The following ARHGEF9 variants were observed in gnomAD, a reference collection of about 807,000 sequenced individuals.
ARHGEF9 encodes rho guanine nucleotide exchange factor 9.
In ARHGEF9, 2 loss-of-function variants were observed where a neutral mutation model predicts 41.3. That is an observed-to-expected ratio of 0.05 (90% CI 0.02 to 0.15). ARHGEF9 has a LOEUF of 0.15. Among genes scored for constraint, ARHGEF9 ranks in the 10% least tolerant of loss-of-function variants. The probability of loss-of-function intolerance (pLI) is 1.00; values close to 1 mark genes in which losing one functional copy is unlikely to be tolerated. For synonymous variants in ARHGEF9, 160 were observed against 154.4 expected (o/e 1.04, Z -0.27); for missense variants, 225 against 424.7 (o/e 0.53, Z 4.13).
chrX:63,664,896 G>T (rs2049428836), intron 7 of ARHGEF9, among the ~76,000 whole-genome samples: 1 of 111,645 alleles, frequency 9.0e-6, no homozygotes. Context: ...AAACTGTGTG[G>T]TTCATGTTCC....
rs868976464 is a variant in ARHGEF9, at chrX:63,758,012, G to A, written c.30+27104C>T. 2.0e-3 allele frequency among the ~76,000 whole-genome samples: 225 copies of A among 112,061 alleles called. 2 individuals carry two copies. Among genetic ancestry groups the A allele is most frequent in the Middle Eastern group, 4.6e-3 (1 of 217 alleles). ...TTGGTGAGCCAGAAGTCATGTCTCT[G>A]TTGCTTCTGTTGGAAAGCACAATGG... is the stretch of plus-strand genomic sequence containing the variant. On this transcript the variant is annotated intron_variant, in intron 1 of 9. Coordinates refer to ENST00000671741, the MANE Select transcript of ARHGEF9 (RefSeq NM_001353921.2).
At chrX:63,682,329 A>G (rs1425502947) in intron 4 of ARHGEF9, among the ~76,000 whole-genome samples, 2 of 109,875 alleles carry the variant, frequency 1.8e-5, no homozygotes, top group African/African-American at 6.6e-5. Flanking sequence ...CCTGGCTAAC[A>G]TGGTGAAACC....
intron 5 of ARHGEF9, 111 bp downstream of exon 5, chrX:63,678,229 T>G (rs782602414): frequency 2.0e-5 from 13 of 644,292 alleles, no homozygotes; most frequent in Non-Finnish European, 3.3e-5. Flanking sequence ...CATCCTGTTT[T>G]GCAGATAAGT....
At position 63,721,786 on chromosome X, in the gene ARHGEF9, C is replaced by A. The variant is rs781801124; in HGVS notation, c.210+2746G>T. 1.2e-4 allele frequency among the ~76,000 whole-genome samples: 13 copies of A among 110,646 alleles called. No homozygotes were observed. The East Asian group carries it at 3.7e-3, about 31-fold the overall frequency. On this transcript the variant is annotated intron_variant, in intron 2 of 9. Coordinates refer to ENST00000671741, the MANE Select transcript of ARHGEF9 (RefSeq NM_001353921.2). Reference sequence around the variant, plus strand: ...GGACTGATGTTCAGCAAGTTTAATTCATTTAACCTTACCAACTACTGGGAA... The same window carrying A: ...GGACTGATGTTCAGCAAGTTTAATTAATTTAACCTTACCAACTACTGGGAA...
chrX:63,640,789 T>C (rs1246313537), intron 9 of ARHGEF9: 8 of 111,422 alleles, frequency 7.2e-5, no homozygotes, highest in Non-Finnish European at 1.3e-4. Context: ...GACATCCGCA[T>C]TGGAGACCTC....
chrX:63,682,243 T>G (rs1422756690), intron 4 of ARHGEF9, among the ~76,000 whole-genome samples: 1 of 111,330 alleles, frequency 9.0e-6, no homozygotes, highest in Non-Finnish European at 1.9e-5. Context: ...GGCCAGGCGC[T>G]GTGGCTCACG....
intron 4 of ARHGEF9, among the ~76,000 whole-genome samples, chrX:63,691,141 T>C (rs1291269899): frequency 4.5e-5 from 5 of 111,790 alleles, no homozygotes; most frequent in African/African-American, 1.6e-4. Context: ...CAGAGCAATT[T>C]AGGCAAGAGA....
chrX:63,721,569 C>G (rs1391958057), intron 2 of ARHGEF9, among the ~76,000 whole-genome samples: 1 of 110,258 alleles, frequency 9.1e-6, no homozygotes, highest in Non-Finnish European at 1.9e-5. Context: ...AAAAAAGGTT[C>G]ATTTTGTGCA....
At chrX:63,730,774 C>T (rs1235589476) in intron 1 of ARHGEF9, among the ~76,000 whole-genome samples, 3 of 111,858 alleles carry the variant, frequency 2.7e-5, no homozygotes, top group Non-Finnish European at 5.6e-5. Flanking sequence ...CTCCAGCACT[C>T]CCTTCCTATC....
At chrX:63,724,950 T>C in intron 1 of ARHGEF9, 2 of 399,959 alleles carry the variant, frequency 5.0e-6, no homozygotes, top group South Asian at 8.2e-5. Context: ...TACATATGCC[T>C]CATGCTTTTT....
chrX:63,728,078 C>T (rs782338408), intron 1 of ARHGEF9, among the ~76,000 whole-genome samples: 6 of 111,792 alleles, frequency 5.4e-5, no homozygotes, highest in African/African-American at 9.8e-5. Context: ...GTGAGAGGAA[C>T]GCTAATCCAG....
intron 4 of ARHGEF9, among the ~76,000 whole-genome samples, chrX:63,691,150 G>T (rs782726523): frequency 1.8e-5 from 2 of 111,793 alleles, no homozygotes; most frequent in Non-Finnish European, 3.8e-5. Flanking sequence ...TTAGGCAAGA[G>T]AATGAAATAA....
chrX:63,676,930 C>A (rs1473721054), intron 5 of ARHGEF9, among the ~76,000 whole-genome samples: 2 of 112,377 alleles, frequency 1.8e-5, no homozygotes, highest in Non-Finnish European at 3.8e-5. Flanking sequence ...TGCATTGTTG[C>A]AGAAAGTTCT....
intron 1 of ARHGEF9, chrX:63,754,956 CG>C (rs782748526): frequency 2.1e-6 from 2 of 939,042 alleles, no homozygotes. Flanking sequence ...TCAGTCTGTC[CG>C]GGCGTGCGTC....
rs182264107 is a variant in ARHGEF9 at position 63,650,074 on chromosome X, C to T, written c.1321+5420G>A. 1.8e-3 allele frequency among the ~76,000 whole-genome samples: 198 copies of T among 110,956 alleles called. 1 individual carries two copies. The highest frequency in any genetic ancestry group is 3.2e-3 in the African/African-American group (98 of 30,707). ...CAAACCAAAAACACGTTCTTTGAAA[C>T]GACCAAATGTAAATTAGTACAGCCA... On this transcript the variant is annotated intron_variant, in intron 8 of 9. Transcript: ENST00000671741.
chrX:63,716,505 A>G (rs782398856), intron 2 of ARHGEF9, among the ~76,000 whole-genome samples: 1 of 111,516 alleles, frequency 9.0e-6, no homozygotes, highest in Non-Finnish European at 1.9e-5. Flanking sequence ...CTGAAGTTCT[A>G]GAGTACCTCT....
Position 63,678,566 on chromosome X carries a change from C to T in ARHGEF9, c.589G>A (p.Gly197Arg). ...CAATACTCAGAGTATATCCAGAATC[C>T]ATCTTGCTGTGGGAAAAGAAAAAAA... ...IGPCFLEHQD[G>R]FWIYSEYCNN... The change falls in exon 5 of 10, where the codon GGA becomes AGA. Residue 197 changes from glycine (G) to arginine (R), a missense_variant. This residue lies in a region of ARHGEF9 where 114 missense variants were observed against 197.9 expected (regional missense o/e 0.58). Coordinates refer to ENST00000671741, the MANE Select transcript of ARHGEF9 (RefSeq NM_001353921.2). 8.4e-7 allele frequency: 1 copy of T among 1,189,752 alleles called. No homozygotes were observed. Among genetic ancestry groups the T allele is most frequent in the Non-Finnish European group, 1.1e-6 (1 of 880,735 alleles).
intron 1 of ARHGEF9, among the ~76,000 whole-genome samples, chrX:63,762,511 G>C (rs2056051269): frequency 9.0e-6 from 1 of 111,238 alleles, no homozygotes; most frequent in Admixed American, 9.6e-5. Context: ...TTAAGAAAGG[G>C]CTGGACATCC....
rs781978411 is a variant in ARHGEF9 at position 63,692,994 on chromosome X, G to A, written c.582+4131C>T. 7.6e-4 allele frequency among the ~76,000 whole-genome samples: 85 copies of A among 111,835 alleles called. 1 individual carries two copies. Among genetic ancestry groups the A allele is most frequent in the Middle Eastern group, 4.6e-3 (1 of 218 alleles). On this transcript the variant is annotated intron_variant, in intron 4 of 9. Transcript: ENST00000671741. ...ATCATATGTTTTCACTCATATGTGA[G>A]TAGGGGCTATCAAAGTTGATCTCAT...
Sources: gnomAD v4.1 joint callset for allele counts (sites outside exome capture counted in the v4.1 genomes callset) on GRCh38, gnomAD v4.1.1 for gene constraint, gnomAD v4.1.1 regional missense constraint, MANE v1.5 for transcripts, NCBI Gene and HGNC (gene_info 2026-07-23, HGNC 2026-07-21) for gene names.